The following TMEM131 variants were observed in gnomAD, a reference collection of about 807,000 sequenced individuals.
TMEM131 encodes 2610524E03Rik.
In TMEM131, 66 loss-of-function variants were observed where a neutral mutation model predicts 211.6. That is an observed-to-expected ratio of 0.31 (90% CI 0.26 to 0.38). The LOEUF (loss-of-function observed/expected upper bound fraction) is 0.38, where lower values mean the gene tolerates loss of function less well. Among genes scored for constraint, TMEM131 ranks in the 10% least tolerant of loss-of-function variants. The probability of loss-of-function intolerance (pLI) is 1.00; values close to 1 mark genes in which losing one functional copy is unlikely to be tolerated. For synonymous variants in TMEM131, 844 were observed against 841.3 expected (o/e 1.00, Z -0.06); for missense variants, 2,036 against 2,299.3 (o/e 0.89, Z 2.34).
intron 3 of TMEM131, 46 bp from the exon 4 acceptor site, chr2:97,888,166 T>C: frequency 1.3e-6 from 2 of 1,520,718 alleles, no homozygotes; most frequent in Non-Finnish European, 1.8e-6. Flanking sequence ...CTTCAAAATA[T>C]ATGTTTCCCC....
chr2:97,766,887 A>G (rs1288766349), intron 33 of TMEM131, among the ~76,000 whole-genome samples: 2 of 152,148 alleles, frequency 1.3e-5, no homozygotes, highest in Non-Finnish European at 2.9e-5. Flanking sequence ...GTGAGGGAGG[A>G]TCTATCTCAG....
intron 4 of TMEM131, among the ~76,000 whole-genome samples, chr2:97,881,226 T>C (rs1199565486): frequency 4.7e-5 from 7 of 148,660 alleles, no homozygotes; most frequent in African/African-American, 1.8e-4. Flanking sequence ...AAGATGGGCG[T>C]TTCTTTCTTG....
At chr2:97,962,637 G>T (rs1179801157) in intron 1 of TMEM131, among the ~76,000 whole-genome samples, 1 of 152,162 alleles carries the variant, frequency 6.6e-6, no homozygotes, top group Admixed American at 6.5e-5. Flanking sequence ...AGTTTCTTCT[G>T]AAGTTAAACA....
intron 2 of TMEM131, among the ~76,000 whole-genome samples, chr2:97,914,975 G>C (rs1676448181): frequency 1.3e-5 from 2 of 152,344 alleles, no homozygotes; most frequent in African/African-American, 4.8e-5. Flanking sequence ...CAGAGTAGCT[G>C]TATCACTCAC....
chr2:97,773,214 A>C (rs1288836949), intron 32 of TMEM131, among the ~76,000 whole-genome samples: 1 of 152,198 alleles, frequency 6.6e-6, no homozygotes, highest in Admixed American at 6.5e-5. Context: ...CGGCTGGTTT[A>C]ATGCTAAGCT....
intron 2 of TMEM131, among the ~76,000 whole-genome samples, chr2:97,921,913 T>A (rs1167826169): frequency 2.0e-5 from 3 of 152,234 alleles, no homozygotes; most frequent in Non-Finnish European, 4.4e-5. Flanking sequence ...TACAAAGTTG[T>A]TGCAGAGGAA....
rs1396965064 is a variant in TMEM131, at chr2:97,805,204, A to C, written c.2286T>G (p.Ser762=). 2.5e-6 allele frequency: 4 copies of C among 1,610,466 alleles called. No individual in the cohort carries two copies. Among genetic ancestry groups the C allele is most frequent in the Non-Finnish European group, 3.4e-6 (4 of 1,178,654 alleles). Residue 762 remains serine (S), a splice_region_variant and synonymous_variant, in exon 22 of 41, where the codon TCT becomes TCG. Coordinates refer to ENST00000186436, the MANE Select transcript of TMEM131 (RefSeq NM_015348.2). ...CYVGLPFLSK[S]EPKVQPGVAM... ...CTACACCAGGCTGCACTTTGGGTTC[A>C]GCTAAAACAAGGAAACATACTTAAC... is the stretch of plus-strand genomic sequence containing the variant.
Position 97,762,092 on chromosome 2 carries a change from G to A in TMEM131, c.4832C>T (p.Pro1611Leu). ...TPASPSPPAA[P>L]CPFVARGSYS... The stretch of plus-strand genomic sequence containing the variant: ...GCTGCCCCGGGCCACAAAGGGGCAG[G>A]GGGCAGCTGGGGGAGACGGGGAAGC... Residue 1611 changes from proline to leucine, a missense_variant, in exon 36 of 41, where the codon CCC becomes CTC. Pro to Leu is a moderately conservative substitution (Grantham distance 98). Transcript: ENST00000186436. The A allele has an allele frequency of 6.2e-7, 1 of 1,611,078 alleles. No individual in the cohort carries two copies. The highest frequency in any genetic ancestry group is 8.5e-7 in the Non-Finnish European group (1 of 1,178,656).
At chr2:97,880,496 G>C (rs1039574007) in intron 4 of TMEM131, among the ~76,000 whole-genome samples, 1 of 152,170 alleles carries the variant, frequency 6.6e-6, no homozygotes, top group African/African-American at 2.4e-5. Context: ...GTGAGGATTA[G>C]AGCAGAACAG....
intron 5 of TMEM131, 150 bp downstream of exon 5, chr2:97,859,154 G>T: frequency 1.3e-6 from 1 of 777,276 alleles, no homozygotes; most frequent in Non-Finnish European, 2.0e-6. Flanking sequence ...GTTAAGGGTA[G>T]AAGTAATCAT....
chr2:97,977,715 T>C (rs1679604475), intron 1 of TMEM131, among the ~76,000 whole-genome samples: 1 of 152,226 alleles, frequency 6.6e-6, no homozygotes, highest in Admixed American at 6.5e-5. Flanking sequence ...ATCTTTTGGC[T>C]AGTGGAGAGT....
At chr2:97,927,542 T>A in intron 1 of TMEM131, 55 bp from the exon 2 acceptor site, 3 of 1,403,130 alleles carry the variant, frequency 2.1e-6, no homozygotes, top group South Asian at 1.7e-5. Context: ...TTGATTTTCA[T>A]AACATCTTTG....
At chr2:97,958,083 G>C (rs967411374) in intron 1 of TMEM131, among the ~76,000 whole-genome samples, 1 of 152,196 alleles carries the variant, frequency 6.6e-6, no homozygotes, top group African/African-American at 2.4e-5. Context: ...AAGCACAACA[G>C]TGCAAAGGAA....
intron 5 of TMEM131, among the ~76,000 whole-genome samples, chr2:97,848,094 T>A (rs1297350426): frequency 6.6e-6 from 1 of 152,146 alleles, no homozygotes; most frequent in Non-Finnish European, 1.5e-5. Context: ...AGGACAGGTA[T>A]TTCAGAGTCT....
intron 40 of TMEM131, among the ~76,000 whole-genome samples, chr2:97,758,162 T>C (rs892714993): frequency 5.3e-5 from 8 of 152,054 alleles, no homozygotes; most frequent in African/African-American, 1.9e-4. Context: ...TGCTGACTTC[T>C]CTTTTAAAGA....
rs1328868133 is a variant in TMEM131, at chr2:97,995,658, C to G, written c.5G>C (p.Gly2Ala). 1.7e-6 allele frequency: 2 copies of G among 1,209,128 alleles called. No individual in the cohort carries two copies. The highest frequency in any genetic ancestry group is 3.2e-5 in the African/African-American group (2 of 63,296). 74.9% of individuals were successfully genotyped at this position (1,209,128 alleles called of 1,614,324 possible). Residue 2 changes from glycine (G) to alanine (A), a missense_variant, in exon 1 of 41, where the codon GGG becomes GCG. Physicochemically the swap from Gly to Ala is moderately conservative, Grantham distance 60 (BLOSUM62 0). Transcript: ENST00000186436. Reference sequence around the variant, plus strand: ...GGTTGCTCCTCCTCCCGCCCGCTTCCCCATCCCTGCCGGCCGGGGGCCGCC... The same window carrying G: ...GGTTGCTCCTCCTCCCGCCCGCTTCGCCATCCCTGCCGGCCGGGGGCCGCC... M[G>A]KRAGGGATGA...
chr2:97,804,728 T>C (rs1029647139), intron 22 of TMEM131, among the ~76,000 whole-genome samples: 1 of 151,992 alleles, frequency 6.6e-6, no homozygotes, highest in African/African-American at 2.4e-5. Context: ...CTAGAAAATG[T>C]TTCCCTTGCC....
At chr2:97,942,976 GAAAGAAAGAAAAGAAAGAAAAGAAAGA>G (rs375150069) in intron 1 of TMEM131, among the ~76,000 whole-genome samples, 1 of 99,260 alleles carries the variant, frequency 1.0e-5, no homozygotes, top group Non-Finnish European at 2.0e-5. Context: ...AAGAAAGAAA[GAAAGAAAGAAAAGAAAGAAAAGAAAGA>G]AAAGAAAGAA....
intron 3 of TMEM131, among the ~76,000 whole-genome samples, chr2:97,902,551 T>C (rs6748124): frequency 0.33 from 50,856 of 152,074 alleles, 9,360 homozygotes; most frequent in Non-Finnish European, 0.39. Flanking sequence ...TACATATTTA[T>C]ACACATAAAC....
Sources: allele counts gnomAD v4.1 joint callset (sites outside exome capture counted in the v4.1 genomes callset), GRCh38; gene constraint gnomAD v4.1.1; transcripts MANE v1.5; gene names NCBI Gene and HGNC (gene_info 2026-07-23, HGNC 2026-07-21).